DNAH7: variants seen among roughly 807,000 people sequenced by gnomAD.
DNAH7 encodes the protein dynein axonemal heavy chain 7.
A neutral mutation model predicts 444.6 loss-of-function variants in DNAH7; 397 were observed. The ratio of observed to expected loss-of-function variants is 0.89; its 90% CI spans 0.82 to 0.97. The LOEUF (loss-of-function observed/expected upper bound fraction) is 0.97, where lower values mean the gene tolerates loss of function less well. DNAH7 is among the 50% of genes least tolerant of loss of function. DNAH7 has a pLI of 0.00. For synonymous variants in DNAH7, 1,636 were observed against 1,624.4 expected, an observed-to-expected ratio of 1.01 and a Z score of -0.17; for missense variants, 4,902 against 4,800.8, an observed-to-expected ratio of 1.02 and a Z score of -0.62.
chr2:196,006,957 G>T (rs1241987146), intron 10 of DNAH7, among the ~76,000 whole-genome samples: 1 of 151,896 alleles, frequency 6.6e-6, no homozygotes, highest in Non-Finnish European at 1.5e-5. Context: ...AATTAAAGAA[G>T]AACTAAATAA....
intron 24 of DNAH7, among the ~76,000 whole-genome samples, chr2:195,917,636 G>A (rs1012390005): frequency 1.3e-5 from 2 of 152,126 alleles, no homozygotes; most frequent in African/African-American, 4.8e-5. Flanking sequence ...ATGCCCTTCT[G>A]TCAAATTCTT....
rs753284852 is a variant in DNAH7, at chr2:195,787,068, T to G, written c.10820A>C (p.Asn3607Thr). Residue 3607 changes from asparagine (N) to threonine (T), a missense_variant, in exon 58 of 65, where the codon AAT (asparagine) becomes ACT (threonine). Physicochemically the swap from Asn to Thr is moderately conservative, Grantham distance 65. Transcript: ENST00000312428. ...PLGWNIPYEF[N>T]ETDLRISVQQ... ...TACGCTGATTCTCAGATCTGTCTCA[T>G]TGAACTCATAAGGAATATTCCACCC... is the stretch of plus-strand genomic sequence containing the variant. 1 of 1,612,244 alleles carries G rather than the reference T, an allele frequency of 6.2e-7. No individual in the cohort carries two copies.
chr2:196,044,205 G>A (rs867507958), intron 5 of DNAH7, among the ~76,000 whole-genome samples: 2 of 138,366 alleles, frequency 1.4e-5, no homozygotes, highest in African/African-American at 5.9e-5. Context: ...ATATATATAT[G>A]TGTGTGTGTG....
At chr2:195,873,876 T>C (rs959181151) in intron 38 of DNAH7, among the ~76,000 whole-genome samples, 182 bp from the exon 39 acceptor site, 15 of 152,288 alleles carry the variant, frequency 9.8e-5, no homozygotes, top group Admixed American at 3.9e-4. Context: ...ATTCAAGACG[T>C]TACTTTTCTA....
intron 51 of DNAH7, among the ~76,000 whole-genome samples, chr2:195,815,518 T>A (rs1489351288): frequency 6.6e-6 from 1 of 152,240 alleles, no homozygotes; most frequent in Non-Finnish European, 1.5e-5. Context: ...TTAGTGAGAT[T>A]AACATTTTGG....
intron 12 of DNAH7, among the ~76,000 whole-genome samples, chr2:195,989,398 A>G (rs1215797699): frequency 1.3e-5 from 2 of 152,186 alleles, no homozygotes; most frequent in African/African-American, 4.8e-5. Context: ...GTGAGGTGAC[A>G]TCTCATTGTG....
At chr2:195,772,277 T>G (rs1427524314) in intron 60 of DNAH7, among the ~76,000 whole-genome samples, 1 of 152,242 alleles carries the variant, frequency 6.6e-6, no homozygotes, top group Non-Finnish European at 1.5e-5. Flanking sequence ...AAATCTCATC[T>G]TGCTTTGAGA....
chr2:195,804,829 T>C (rs1046588137), intron 54 of DNAH7, among the ~76,000 whole-genome samples: 5 of 150,914 alleles, frequency 3.3e-5, no homozygotes, highest in African/African-American at 9.8e-5. Context: ...AGTAGTATTG[T>C]CCACATATCT....
At chr2:196,011,875 T>C (rs914563324) in intron 10 of DNAH7, among the ~76,000 whole-genome samples, 1 of 152,170 alleles carries the variant, frequency 6.6e-6, no homozygotes, top group Non-Finnish European at 1.5e-5. Flanking sequence ...TAGATCAAGA[T>C]AATTTATTTG....
intron 42 of DNAH7, among the ~76,000 whole-genome samples, chr2:195,860,715 T>C (rs1699966604): frequency 6.6e-6 from 1 of 152,138 alleles, no homozygotes; most frequent in Admixed American, 6.6e-5. Flanking sequence ...TAGAAATATA[T>C]ATAAAAATCA....
Position 195,900,331 on chromosome 2 carries a change from T to C in DNAH7, c.4499A>G (p.Tyr1500Cys), listed in dbSNP as rs1291947767. 2 of 1,613,876 alleles carry C rather than the reference T, an allele frequency of 1.2e-6. No homozygotes were observed. Among genetic ancestry groups the C allele is most frequent in the African/African-American group, 1.3e-5 (1 of 74,882 alleles). ...AACTGACTTCACGGCTCTCATTCCATAGTCGTAGTGATGTTGAGATGACAG... is the reference window on the plus strand; with the variant it reads ...AACTGACTTCACGGCTCTCATTCCACAGTCGTAGTGATGTTGAGATGACAG... ...EQLSSQHHYD[Y>C]GMRAVKSVLT... The change falls in exon 28 of 65, where the codon TAT (tyrosine) becomes TGT (cysteine). Residue 1500 changes from tyrosine to cysteine, a missense_variant. By Grantham distance (194) the Tyr-to-Cys change is radical. Coordinates refer to ENST00000312428, the MANE Select transcript of DNAH7 (RefSeq NM_018897.3).
intron 1 of DNAH7, among the ~76,000 whole-genome samples, chr2:196,058,507 C>A (rs1697950036): frequency 6.6e-6 from 1 of 152,066 alleles, no homozygotes; most frequent in Admixed American, 6.5e-5. Flanking sequence ...TATAATAAAA[C>A]AGTAATAATA....
At chr2:195,768,550 A>C (rs1694693400) in intron 61 of DNAH7, among the ~76,000 whole-genome samples, 1 of 151,534 alleles carries the variant, frequency 6.6e-6, no homozygotes, top group African/African-American at 2.4e-5. Flanking sequence ...GCATGTATCT[A>C]TATATATATA....
At chr2:196,011,483 G>A (rs1559332905) in intron 10 of DNAH7, among the ~76,000 whole-genome samples, 2 of 152,016 alleles carry the variant, frequency 1.3e-5, no homozygotes, top group African/African-American at 4.8e-5. Context: ...AAGAACTAGA[G>A]AAACACAGCA....
chr2:195,999,923 G>T (rs1553602370), intron 12 of DNAH7, among the ~76,000 whole-genome samples: 1 of 151,996 alleles, frequency 6.6e-6, no homozygotes, highest in Non-Finnish European at 1.5e-5. Context: ...TCAAAATTAA[G>T]AACAAAAGCT....
intron 2 of DNAH7, among the ~76,000 whole-genome samples, chr2:196,053,407 A>C (rs1010084620): frequency 2.6e-5 from 4 of 152,248 alleles, no homozygotes; most frequent in Non-Finnish European, 5.9e-5. Context: ...CATAACTAGT[A>C]GAACTTTCGC....
rs149992101 is a variant in DNAH7 at position 195,751,916 on chromosome 2, G to T, written c.11764+2421C>A. 2.9e-3 allele frequency among the ~76,000 whole-genome samples: 445 copies of T among 152,210 alleles called. 1 individual carries two copies. The highest frequency in any genetic ancestry group is 0.01 in the African/African-American group (428 of 41,542). On this transcript the variant is annotated intron_variant, in intron 63 of 64. Transcript: ENST00000312428. ...TCTGTGGCTTCTATACAAATTAAGG[G>T]CAATAAGTGGGTAATGACAGTAGGG...
At chr2:195,997,409 G>A (rs1421645983) in intron 12 of DNAH7, among the ~76,000 whole-genome samples, 1 of 152,138 alleles carries the variant, frequency 6.6e-6, no homozygotes, top group East Asian at 1.9e-4. Flanking sequence ...CTACTCGCGG[G>A]GAGGCTGAGG....
At chr2:195,822,858 GCTTC>G (rs1697536998) in intron 49 of DNAH7, among the ~76,000 whole-genome samples, 2 of 151,882 alleles carry the variant, frequency 1.3e-5, no homozygotes, top group Non-Finnish European at 2.9e-5. Flanking sequence ...TTTCCTTTTT[GCTTC>G]CTTCTTTTTC....
Sources: gnomAD v4.1 joint callset for allele counts (sites outside exome capture counted in the v4.1 genomes callset) on GRCh38, gnomAD v4.1.1 for gene constraint, MANE v1.5 for transcripts, NCBI Gene and HGNC (gene_info 2026-07-23, HGNC 2026-07-21) for gene names.